TBC1D1: variants seen among roughly 807,000 people sequenced by gnomAD.
TBC1D1 encodes TBC1 domain family member 1, also known as TBC1 (tre-2/USP6, BUB2, cdc16) domain family, member 1.
TBC1D1 carries 89 observed loss-of-function variants against 125.6 expected under a neutral mutation model. The observed-to-expected ratio is 0.71, with a 90% CI of 0.60 to 0.85. The LOEUF is 0.85. Ranked by LOEUF, TBC1D1 falls within the 40% of genes least tolerant of loss-of-function variation. TBC1D1 has a pLI of 0.00. For missense variants in TBC1D1, 1,377 were observed against 1,469.2 expected, an observed-to-expected ratio of 0.94 and a Z score of 1.03; for synonymous variants, 565 against 564.1, an observed-to-expected ratio of 1.00 and a Z score of -0.02.
chr4:38,026,510 G>A, intron 6 of TBC1D1, among the ~76,000 whole-genome samples: 1 of 152,248 alleles, frequency 6.6e-6, no homozygotes, highest in East Asian at 1.9e-4. Flanking sequence ...TGATGTAGGT[G>A]CCTCGCACAC....
At chr4:38,001,505 AG>A (rs1739079106) in intron 2 of TBC1D1, among the ~76,000 whole-genome samples, 1 of 152,188 alleles carries the variant, frequency 6.6e-6, no homozygotes, top group African/African-American at 2.4e-5. Context: ...GTTGGGGAGT[AG>A]GGTGTAAATC....
intron 1 of TBC1D1, among the ~76,000 whole-genome samples, chr4:37,900,148 A>C (rs1024292049): frequency 2.0e-5 from 3 of 150,548 alleles, no homozygotes; most frequent in African/African-American, 7.4e-5. Flanking sequence ...AAAAAAAAGT[A>C]AGGAAGGTGT....
At chr4:38,101,390 C>T (rs1760308497) in intron 14 of TBC1D1, among the ~76,000 whole-genome samples, 1 of 152,152 alleles carries the variant, frequency 6.6e-6, no homozygotes, top group Non-Finnish European at 1.5e-5. Flanking sequence ...CCTTTTTGGC[C>T]TTGTAATAGC....
intron 8 of TBC1D1, among the ~76,000 whole-genome samples, chr4:38,037,742 A>G (rs1008871412): frequency 2.0e-5 from 3 of 152,224 alleles, no homozygotes; most frequent in Admixed American, 1.3e-4. Flanking sequence ...CGCTTCTCTC[A>G]GTGCTGTGCG....
intron 2 of TBC1D1, among the ~76,000 whole-genome samples, chr4:37,908,628 G>A (rs760505838): frequency 6.6e-6 from 1 of 152,166 alleles, no homozygotes; most frequent in Non-Finnish European, 1.5e-5. Context: ...CTCTGAACGC[G>A]GCGTGGGTGT....
At chr4:37,992,122 G>C (rs1487355403) in intron 2 of TBC1D1, among the ~76,000 whole-genome samples, 1 of 152,210 alleles carries the variant, frequency 6.6e-6, no homozygotes, top group Non-Finnish European at 1.5e-5. Flanking sequence ...AGGAGCCCTA[G>C]AAGGTTTGTG....
At chr4:37,894,947 T>C (rs1246174326) in intron 1 of TBC1D1, among the ~76,000 whole-genome samples, 1 of 152,158 alleles carries the variant, frequency 6.6e-6, no homozygotes, top group African/African-American at 2.4e-5. Context: ...AGGGAACCCT[T>C]TGGTAAAATG....
At chr4:38,110,801 A>G (rs1762078079) in intron 15 of TBC1D1, 1 of 985,386 alleles carries the variant, frequency 1.0e-6, no homozygotes, top group Non-Finnish European at 1.2e-6. Context: ...GAAGGATTGC[A>G]CAGTTTTACC....
At chr4:38,101,258 C>A (rs1016500021) in intron 14 of TBC1D1, among the ~76,000 whole-genome samples, 1 of 152,122 alleles carries the variant, frequency 6.6e-6, no homozygotes, top group Non-Finnish European at 1.5e-5. Flanking sequence ...GGGTACAAAG[C>A]GGCCACTTTT....
intron 2 of TBC1D1, among the ~76,000 whole-genome samples, chr4:37,943,763 C>T (rs1726068327): frequency 6.6e-6 from 1 of 152,192 alleles, no homozygotes; most frequent in Non-Finnish European, 1.5e-5. Flanking sequence ...TTTTTAGCTT[C>T]TTTGCGATGG....
At chr4:37,983,946 C>G (rs1171105348) in intron 2 of TBC1D1, among the ~76,000 whole-genome samples, 1 of 152,216 alleles carries the variant, frequency 6.6e-6, no homozygotes, top group East Asian at 1.9e-4. Context: ...CACTAATCTT[C>G]ATACTATTTA....
intron 2 of TBC1D1, among the ~76,000 whole-genome samples, chr4:37,961,614 G>C (rs1301428667): frequency 2.6e-5 from 4 of 152,194 alleles, no homozygotes; most frequent in Non-Finnish European, 5.9e-5. Flanking sequence ...TCACCTGAGA[G>C]GCTTCAGGGT....
chr4:37,968,385 G>A (rs1488183604), intron 2 of TBC1D1, among the ~76,000 whole-genome samples: 1 of 152,206 alleles, frequency 6.6e-6, no homozygotes, highest in Non-Finnish European at 1.5e-5. Context: ...AAGGCTTTTG[G>A]ATACATTTAA....
intron 7 of TBC1D1, among the ~76,000 whole-genome samples, chr4:38,034,598 G>T (rs1299521580): frequency 6.6e-6 from 1 of 152,200 alleles, no homozygotes; most frequent in Non-Finnish European, 1.5e-5. Flanking sequence ...GGGAAGAAGT[G>T]ACCAAGAGTG....
intron 2 of TBC1D1, among the ~76,000 whole-genome samples, chr4:37,923,296 A>G (rs992876036): frequency 5.3e-5 from 8 of 152,038 alleles, no homozygotes; most frequent in Non-Finnish European, 8.8e-5. Context: ...ATCCTTTTTT[A>G]TGGCTGCATA....
intron 6 of TBC1D1, 22 bp downstream of exon 6, chr4:38,021,740 G>T: frequency 6.6e-7 from 1 of 1,516,626 alleles, no homozygotes; most frequent in Admixed American, 2.4e-5. Context: ...ACCCTTTCCA[G>T]CATGAACACA....
At chr4:37,953,334 A>G (rs1336970097) in intron 2 of TBC1D1, among the ~76,000 whole-genome samples, 1 of 152,214 alleles carries the variant, frequency 6.6e-6, no homozygotes, top group African/African-American at 2.4e-5. Flanking sequence ...TTAATATCAG[A>G]CTTTATTAAA....
chr4:38,108,311 C>T (rs1473905659), intron 15 of TBC1D1, among the ~76,000 whole-genome samples: 2 of 152,218 alleles, frequency 1.3e-5, no homozygotes, highest in Non-Finnish European at 1.5e-5. Flanking sequence ...GCTGCATTCC[C>T]CAGTGAGGCG....
rs570871705 is a variant in TBC1D1 at position 38,052,183 on chromosome 4, G to T, written c.1911-2016G>T. 24 of 809,336 alleles carry T rather than the reference G, an allele frequency of 3.0e-5. No homozygotes were observed. The Admixed American group carries it at 6.0e-4, about 20-fold the overall frequency. The allele number at this position is 809,336 out of a possible 1,614,324, so 50.1% of individuals were successfully genotyped here. A position where few individuals can be genotyped will look rare whatever the true frequency, so the allele number is the denominator to read the frequency against. On this transcript the variant is annotated intron_variant, in intron 11 of 19. Transcript: ENST00000261439. The stretch of plus-strand genomic sequence containing the variant: ...GCAGAGCCACTGTGTGTGTGTGTGT[G>T]TGTGTGTGTGTGCGCGCGCGTGTGT...
Sources: gnomAD v4.1 joint callset for allele counts (sites outside exome capture counted in the v4.1 genomes callset) on GRCh38, gnomAD v4.1.1 for gene constraint, MANE v1.5 for transcripts, NCBI Gene and HGNC (gene_info 2026-07-23, HGNC 2026-07-21) for gene names.